DCBLD2: variants seen among roughly 807,000 people sequenced by gnomAD.
DCBLD2 encodes the protein discoidin, CUB and LCCL domain-containing protein 2.
Under a neutral mutation model 86.8 loss-of-function variants are expected in DCBLD2, and 54 were observed. That is an observed-to-expected ratio of 0.62 (90% CI 0.50 to 0.78). The LOEUF (loss-of-function observed/expected upper bound fraction) is 0.78. Among genes scored for constraint, DCBLD2 ranks in the 30% least tolerant of loss-of-function variants. DCBLD2 has a pLI of 0.00. For missense variants in DCBLD2, 908 were observed against 954.2 expected (o/e 0.95, Z 0.64); for synonymous variants, 354 against 341.3 (o/e 1.04, Z -0.41).
chr3:98,870,761 G>GA (rs767396151), intron 2 of DCBLD2, among the ~76,000 whole-genome samples: 64 of 125,648 alleles, frequency 5.1e-4, no homozygotes, highest in East Asian at 8.9e-4. Context: ...AAGAAAGAAA[G>GA]AAAGAAAGAA....
At chr3:98,812,282 T>G (rs748118605) in intron 10 of DCBLD2, 50 bp downstream of exon 10, 18 of 1,601,204 alleles carry the variant, frequency 1.1e-5, no homozygotes, top group Non-Finnish European at 1.5e-5. Context: ...CAAAACCATT[T>G]TAAATTGGCA....
chr3:98,810,166 C>G (rs544414731), intron 12 of DCBLD2, among the ~76,000 whole-genome samples: 3 of 152,272 alleles, frequency 2.0e-5, no homozygotes, highest in African/African-American at 7.2e-5. Context: ...TTAAGATGAG[C>G]AACACTTTTC....
rs1408260303 is a variant in DCBLD2 at position 98,870,801 on chromosome 3, GAAAGAAAGA to G, written c.433+10730_433+10738del. On this transcript the variant is annotated intron_variant, in intron 2 of 15. Transcript: ENST00000326840. Reference sequence around the variant, plus strand: ...AGAAAGAAAGAAAGAAAGAAAGAAAGAAAGAAAGAAAGGTAGGCAGGCATTGGTGGTATT... The same window carrying G: ...AGAAAGAAAGAAAGAAAGAAAGAAAGAAGGTAGGCAGGCATTGGTGGTATT... 4.2e-3 allele frequency among the ~76,000 whole-genome samples: 626 copies of G among 149,768 alleles called. 7 individuals carry two copies. The highest frequency in any genetic ancestry group is 7.4e-3 in the South Asian group (35 of 4,716).
At chr3:98,833,867 C>T (rs935376985) in intron 3 of DCBLD2, among the ~76,000 whole-genome samples, 2 of 152,256 alleles carry the variant, frequency 1.3e-5, no homozygotes, top group African/African-American at 4.8e-5. Context: ...AGAGCTGCTA[C>T]TGGCTCCAAA....
intron 3 of DCBLD2, among the ~76,000 whole-genome samples, chr3:98,848,604 T>C (rs893626744): frequency 2.0e-5 from 3 of 152,186 alleles, no homozygotes; most frequent in Admixed American, 2.0e-4. Context: ...ATACGGTTTC[T>C]TTTTCTCCAC....
intron 1 of DCBLD2, among the ~76,000 whole-genome samples, chr3:98,894,955 C>T (rs1040111823): frequency 6.6e-6 from 1 of 151,728 alleles, no homozygotes; most frequent in Non-Finnish European, 1.5e-5. Flanking sequence ...GGGGACTGTT[C>T]GAGAACTCTT....
intron 2 of DCBLD2, among the ~76,000 whole-genome samples, chr3:98,850,936 C>T (rs938824279): frequency 5.9e-5 from 9 of 152,088 alleles, no homozygotes; most frequent in African/African-American, 1.9e-4. Flanking sequence ...AGTTCAAAAT[C>T]AGCATACCTC....
At chr3:98,832,209 T>C (rs1033674090) in intron 3 of DCBLD2, among the ~76,000 whole-genome samples, 7 of 152,232 alleles carry the variant, frequency 4.6e-5, no homozygotes, top group African/African-American at 1.7e-4. Context: ...TTGTCTTTTT[T>C]GAGCTTTGTT....
At chr3:98,886,330 T>A (rs1943562024) in intron 1 of DCBLD2, among the ~76,000 whole-genome samples, 1 of 152,084 alleles carries the variant, frequency 6.6e-6, no homozygotes, top group Admixed American at 6.6e-5. Flanking sequence ...TGACTGCTAT[T>A]AATTCTGAGT....
intron 13 of DCBLD2, among the ~76,000 whole-genome samples, chr3:98,802,443 T>A (rs1317833467): frequency 2.6e-5 from 4 of 152,200 alleles, no homozygotes; most frequent in Non-Finnish European, 5.9e-5. Context: ...CTTTGTAGAT[T>A]CTGGATATTA....
chr3:98,881,874 T>C (rs1490671544), intron 1 of DCBLD2, 107 bp from the exon 2 acceptor site: 6 of 1,050,858 alleles, frequency 5.7e-6, no homozygotes, highest in South Asian at 1.6e-5. Flanking sequence ...AAATATTTTA[T>C]ACCACCCATA....
At chr3:98,805,300 A>T (rs947722666) in intron 13 of DCBLD2, among the ~76,000 whole-genome samples, 6 of 151,676 alleles carry the variant, frequency 4.0e-5, no homozygotes, top group East Asian at 1.9e-4. Flanking sequence ...GAAAAGAAAT[A>T]AAAAAAAATA....
intron 2 of DCBLD2, among the ~76,000 whole-genome samples, chr3:98,875,423 A>G (rs1044434197): frequency 6.6e-6 from 1 of 152,174 alleles, no homozygotes; most frequent in African/African-American, 2.4e-5. Flanking sequence ...AGATGTGAAG[A>G]AAGGAGAAAA....
chr3:98,885,659 A>G (rs1943548696), intron 1 of DCBLD2, among the ~76,000 whole-genome samples: 1 of 151,848 alleles, frequency 6.6e-6, no homozygotes, highest in South Asian at 2.1e-4. Context: ...ACAGTTCTTA[A>G]AAGTAAAGCC....
chr3:98,868,440 T>G (rs967124571), intron 2 of DCBLD2, among the ~76,000 whole-genome samples: 1 of 152,210 alleles, frequency 6.6e-6, no homozygotes, highest in Non-Finnish European at 1.5e-5. Flanking sequence ...CCATGAAATC[T>G]CATGTTGAAA....
rs1428558169 is a variant in DCBLD2, at chr3:98,838,643, G to A, written c.571+10818C>T. 5.9e-5 allele frequency among the ~76,000 whole-genome samples: 9 copies of A among 152,128 alleles called. No homozygotes were observed. The South Asian group carries it at 8.3e-4, about 14-fold the overall frequency. On this transcript the variant is annotated intron_variant, in intron 3 of 15. Transcript: ENST00000326840. ...AGACACTCTTCACTTCCCAGACGGGGTGGCGGCTGGGCAGAGGCTGCAATC... is the reference window on the plus strand; with the variant it reads ...AGACACTCTTCACTTCCCAGACGGGATGGCGGCTGGGCAGAGGCTGCAATC...
chr3:98,895,116 TAGA>T (rs1943729781), intron 1 of DCBLD2: 1 of 152,064 alleles, frequency 6.6e-6, no homozygotes, highest in Non-Finnish European at 1.5e-5. Context: ...AATTATATCT[TAGA>T]AGAATAAAAT....
At position 98,811,509 on chromosome 3, in the gene DCBLD2, T is replaced by C. The variant is rs773550480; in HGVS notation, c.1409A>G (p.Asn470Ser). The change falls in exon 11 of 16, where the codon AAT (asparagine) becomes AGT (serine). Residue 470 changes from asparagine (N) to serine (S), a missense_variant. Asn to Ser is a conservative substitution (Grantham distance 46). Transcript: ENST00000326840. Reference sequence around the variant, plus strand: ...AGGGGCTGTAGTGTTTTTGAGGTCATTGCTGTTCCGAGGAGGTGGAGGTTG... The same window carrying C: ...AGGGGCTGTAGTGTTTTTGAGGTCACTGCTGTTCCGAGGAGGTGGAGGTTG... ...LTQPPPPRNS[N>S]DLKNTTAPPK... The C allele has an allele frequency of 9.9e-6, 16 of 1,611,198 alleles. No individual in the cohort carries two copies. The East Asian group carries it at 1.3e-4, about 13-fold the overall frequency.
intron 12 of DCBLD2, among the ~76,000 whole-genome samples, chr3:98,810,920 C>A (rs1941927220): frequency 1.3e-5 from 2 of 152,092 alleles, no homozygotes; most frequent in African/African-American, 4.8e-5. Context: ...TGAGAGTCAA[C>A]ATGTTTAGCT....
Sources: gnomAD v4.1 joint callset for allele counts (sites outside exome capture counted in the v4.1 genomes callset) on GRCh38, gnomAD v4.1.1 for gene constraint, MANE v1.5 for transcripts, NCBI Gene and HGNC (gene_info 2026-07-23, HGNC 2026-07-21) for gene names.